GJB7: variants seen among roughly 807,000 people sequenced by gnomAD.
GJB7 encodes the protein gap junction protein beta 7.
For synonymous variants in GJB7, 87 were observed against 95.2 expected (o/e 0.91, Z 0.50); for missense variants, 253 against 256.8 (o/e 0.99, Z 0.10).
chr6:87,306,661 C>A (rs1009081244), intron 2 of GJB7, among the ~76,000 whole-genome samples: 3 of 151,992 alleles, frequency 2.0e-5, no homozygotes, highest in African/African-American at 4.8e-5. Context: ...TTGACCCAGC[C>A]ATCCCATTAC....
At chr6:87,318,003 A>G (rs1776606529) in intron 2 of GJB7, among the ~76,000 whole-genome samples, 1 of 152,154 alleles carries the variant, frequency 6.6e-6, no homozygotes, top group African/African-American at 2.4e-5. Flanking sequence ...AAAATGTGAG[A>G]GAAGTAAATA....
At chr6:87,286,111 T>A (rs1020531744) in intron 2 of GJB7, among the ~76,000 whole-genome samples, 2 of 152,194 alleles carry the variant, frequency 1.3e-5, no homozygotes, top group African/African-American at 4.8e-5. Context: ...TTACTCTTTA[T>A]GCTCTCCCTA....
intron 1 of GJB7, among the ~76,000 whole-genome samples, chr6:87,327,958 T>G (rs1057000633): frequency 3.3e-5 from 5 of 151,190 alleles, no homozygotes; most frequent in Admixed American, 1.3e-4. Flanking sequence ...TTGTTTCTTT[T>G]TATTCTTTTT....
At chr6:87,287,757 T>C (rs1171785228) in intron 2 of GJB7, among the ~76,000 whole-genome samples, 1 of 152,142 alleles carries the variant, frequency 6.6e-6, no homozygotes, top group Non-Finnish European at 1.5e-5. Flanking sequence ...TTGTTGGGCA[T>C]TTTAGAGGTA....
chr6:87,318,119 A>ATT (rs34345524), intron 2 of GJB7, among the ~76,000 whole-genome samples: 179 of 144,214 alleles, frequency 1.2e-3, no homozygotes, highest in East Asian at 1.4e-3. Flanking sequence ...TCCCCATTCT[A>ATT]TTTTTTTTTT....
chr6:87,316,634 A>G (rs1474766165), intron 2 of GJB7, among the ~76,000 whole-genome samples: 1 of 152,182 alleles, frequency 6.6e-6, no homozygotes, highest in Non-Finnish European at 1.5e-5. Context: ...CTTCTTAATC[A>G]TCTTGACTCC....
chr6:87,290,405 A>G (rs969902319), intron 2 of GJB7, among the ~76,000 whole-genome samples: 1 of 152,186 alleles, frequency 6.6e-6, no homozygotes, highest in Non-Finnish European at 1.5e-5. Flanking sequence ...TGCTGACACT[A>G]GCAAACTCTC....
chr6:87,309,038 T>G (rs1398865750), intron 2 of GJB7, among the ~76,000 whole-genome samples: 1 of 152,230 alleles, frequency 6.6e-6, no homozygotes, highest in East Asian at 1.9e-4. Flanking sequence ...CTGGCTGGGC[T>G]GAATTCCCTT....
At chr6:87,319,885 T>C (rs191707731) in intron 2 of GJB7, among the ~76,000 whole-genome samples, 91 of 152,346 alleles carry the variant, frequency 6.0e-4, no homozygotes, top group African/African-American at 2.2e-3. Context: ...CCGGAGGACA[T>C]TATTTTCAGT....
At chr6:87,295,522 A>G (rs1776236971) in intron 2 of GJB7, among the ~76,000 whole-genome samples, 1 of 152,156 alleles carries the variant, frequency 6.6e-6, no homozygotes, top group South Asian at 2.1e-4. Flanking sequence ...TGCCTGATGT[A>G]GGAAAGAATG....
intron 2 of GJB7, among the ~76,000 whole-genome samples, chr6:87,315,381 G>A (rs1419115286): frequency 6.6e-6 from 1 of 152,214 alleles, no homozygotes; most frequent in African/African-American, 2.4e-5. Context: ...TGTTCCATGA[G>A]ATTTGATATA....
At chr6:87,323,160 C>A (rs1196222790) in intron 1 of GJB7, 117 bp from the exon 2 acceptor site, 1 of 152,206 alleles carries the variant, frequency 6.6e-6, no homozygotes, top group African/African-American at 2.4e-5. Context: ...TGGGGGAAGC[C>A]AGATGAGACT....
intron 2 of GJB7, among the ~76,000 whole-genome samples, chr6:87,312,421 G>T (rs1176484329): frequency 6.6e-6 from 1 of 150,876 alleles, no homozygotes; most frequent in Non-Finnish European, 1.5e-5. Context: ...CTGAGGCAAA[G>T]AATTGCTTGA....
chr6:87,307,965 T>G (rs1265643294), intron 2 of GJB7, among the ~76,000 whole-genome samples: 1 of 152,134 alleles, frequency 6.6e-6, no homozygotes, highest in Non-Finnish European at 1.5e-5. Flanking sequence ...AACAAAGACT[T>G]GGAACCAACC....
rs765530486 is a variant in GJB7 at position 87,284,573 on chromosome 6, C to G, written c.340G>C (p.Gly114Arg). The change falls in exon 3 of 3, where the codon GGT becomes CGT. Residue 114 changes from glycine (G) to arginine (R), a missense_variant. By Grantham distance (125) the Gly-to-Arg change is moderately radical (BLOSUM62 -2). Transcript: ENST00000525899. ...TACCATAGGCCCCCATCCATTGTAC[C>G]TGGGCTGACATAGAGTTTCTTTCTG... ...RHRKKLYVSP[G>R]TMDGGLWYAY... is the part of the protein sequence containing the mutation. 3 of 1,614,114 alleles carry G rather than the reference C, an allele frequency of 1.9e-6. No homozygotes were observed. Among genetic ancestry groups the G allele is most frequent in the African/African-American group, 2.7e-5 (2 of 75,024 alleles).
At chr6:87,318,649 C>T (rs1434260696) in intron 2 of GJB7, among the ~76,000 whole-genome samples, 1 of 152,116 alleles carries the variant, frequency 6.6e-6, no homozygotes, top group African/African-American at 2.4e-5. Flanking sequence ...AAAAATAAAT[C>T]ACAAGGGTGA....
intron 2 of GJB7, among the ~76,000 whole-genome samples, chr6:87,305,571 G>A (rs1039253466): frequency 1.3e-5 from 2 of 152,304 alleles, no homozygotes; most frequent in Admixed American, 6.5e-5. Context: ...TGGATAGGAA[G>A]AATCAATATT....
chr6:87,328,781 C>G (rs1170841419), intron 1 of GJB7, among the ~76,000 whole-genome samples: 2 of 152,220 alleles, frequency 1.3e-5, no homozygotes, highest in Admixed American at 6.5e-5. Context: ...GGGCTCCACC[C>G]AGTTCGAGCT....
At chr6:87,324,675 T>A (rs537011059) in intron 1 of GJB7, among the ~76,000 whole-genome samples, 65 of 151,636 alleles carry the variant, frequency 4.3e-4, no homozygotes, top group Non-Finnish European at 8.7e-4. Context: ...TACTGTAGCC[T>A]TGTAGTATAC....
Sources: gnomAD v4.1 joint callset for allele counts (sites outside exome capture counted in the v4.1 genomes callset) on GRCh38, gnomAD v4.1.1 for gene constraint, MANE v1.5 for transcripts, NCBI Gene and HGNC (gene_info 2026-07-23, HGNC 2026-07-21) for gene names.